The following LEMD3 variants were observed in gnomAD, a reference collection of about 807,000 sequenced individuals.
LEMD3 encodes the protein LEM domain containing 3, also known as inner nuclear membrane protein Man1.
A neutral mutation model predicts 95.2 loss-of-function variants in LEMD3; 33 were observed. The observed-to-expected ratio is 0.35, with a 90% CI of 0.26 to 0.46. The LOEUF is 0.46. Among genes scored for constraint, LEMD3 ranks in the 20% least tolerant of loss-of-function variants. The pLI, the probability that LEMD3 is intolerant of heterozygous loss-of-function variation, is 1.00. For missense variants in LEMD3, 1,210 were observed against 1,192.8 expected (o/e 1.01, Z -0.21); for synonymous variants, 525 against 474.6 (o/e 1.11, Z -1.38).
chr12:65,177,550 C>T lies in LEMD3; in HGVS notation c.1522+6432C>T, dbSNP rs148550234. On this transcript the variant is annotated intron_variant, in intron 1 of 12. Transcript: ENST00000308330. ...ATTTGAGTTGTTCAAGTGAAAAATT[C>T]TTGTAGGCTCTTGTAGATACAGAAT... is the stretch of plus-strand genomic sequence containing the variant. 1.1e-3 allele frequency among the ~76,000 whole-genome samples: 161 copies of T among 152,118 alleles called. 1 individual carries two copies. The highest frequency in any genetic ancestry group is 3.6e-3 in the African/African-American group (148 of 41,482).
At chr12:65,186,141 A>G (rs1254431886) in intron 1 of LEMD3, among the ~76,000 whole-genome samples, 2 of 152,118 alleles carry the variant, frequency 1.3e-5, no homozygotes, top group Non-Finnish European at 2.9e-5. Flanking sequence ...ATGAGGAACT[A>G]GAGTCCCACA....
Position 65,170,651 on chromosome 12 carries a change from G to T in LEMD3, c.1055G>T (p.Ser352Ile). The change falls in exon 1 of 13, where the codon AGC becomes ATC. Residue 352 changes from serine (S) to isoleucine (I), a missense_variant. Ser to Ile is a moderately radical substitution (Grantham distance 142, BLOSUM62 -2). Coordinates refer to ENST00000308330, the MANE Select transcript of LEMD3 (RefSeq NM_014319.5). ...QGGGCDQVDSSPVPRYRVNAK... is the reference protein window; with the variant it reads ...QGGGCDQVDSIPVPRYRVNAK... ...GGAGGGTGTGATCAAGTGGACTCCA[G>T]CCCCGTTCCTAGATACCGTGTTAAC... 6.2e-7 allele frequency: 1 copy of T among 1,614,206 alleles called. No individual in the cohort carries two copies. Among genetic ancestry groups the T allele is most frequent in the South Asian group, 1.1e-5 (1 of 91,082 alleles).
chr12:65,213,365 A>G (rs1045679530), intron 2 of LEMD3, among the ~76,000 whole-genome samples: 7 of 152,096 alleles, frequency 4.6e-5, no homozygotes, highest in African/African-American at 9.7e-5. Context: ...AGCTGGGACT[A>G]CAGGTGCATA....
intron 1 of LEMD3, among the ~76,000 whole-genome samples, chr12:65,175,949 C>G (rs911187191): frequency 1.3e-5 from 2 of 152,156 alleles, no homozygotes; most frequent in African/African-American, 4.8e-5. Flanking sequence ...TAGATTCTTT[C>G]CTTTCCCTCA....
chr12:65,170,501 C>T lies in LEMD3; in HGVS notation c.905C>T (p.Ala302Val), dbSNP rs1338653757. 1.9e-6 allele frequency: 3 copies of T among 1,614,106 alleles called. No homozygotes were observed. The highest frequency in any genetic ancestry group is 2.2e-5 in the East Asian group (1 of 44,856). ...CTCCCCCCGCTGACTGCTAAATCGG[C>T]CGGCGGCAGGCTGGAGACTTCAGTT... ...KPLPPLTAKS[A>V]GGRLETSVQG... is the part of the protein sequence containing the mutation. Residue 302 changes from alanine to valine, a missense_variant, in exon 1 of 13, where the codon GCC (alanine) becomes GTC (valine). By Grantham distance (64) the Ala-to-Val change is moderately conservative. Coordinates refer to ENST00000308330, the MANE Select transcript of LEMD3 (RefSeq NM_014319.5).
intron 1 of LEMD3, among the ~76,000 whole-genome samples, chr12:65,173,332 C>G (rs2136315018): frequency 6.6e-6 from 1 of 152,278 alleles, no homozygotes; most frequent in Non-Finnish European, 1.5e-5. Flanking sequence ...ACTAAAAGTT[C>G]AGGTAGAATA....
At position 65,169,976 on chromosome 12, in the gene LEMD3, C is replaced by T. The variant is rs886049775; in HGVS notation, c.380C>T (p.Ala127Val). The change falls in exon 1 of 13, where the codon GCC becomes GTC. Residue 127 changes from alanine to valine, a missense_variant. This residue lies in a region of LEMD3 where 749 missense variants were observed against 622.9 expected (regional missense o/e 1.20). Coordinates refer to ENST00000308330, the MANE Select transcript of LEMD3 (RefSeq NM_014319.5). ...SLLGGPGGASAAPAAGSKVLL... is the reference protein window; with the variant it reads ...SLLGGPGGASVAPAAGSKVLL... ...CTGGGAGGGCCCGGGGGCGCCTCCGCCGCCCCCGCGGCTGGCAGCAAAGTG... is the reference window on the plus strand; with the variant it reads ...CTGGGAGGGCCCGGGGGCGCCTCCGTCGCCCCCGCGGCTGGCAGCAAAGTG... The T allele has an allele frequency of 1.2e-5, 18 of 1,465,774 alleles. No individual in the cohort carries two copies. Among genetic ancestry groups the T allele is most frequent in the East Asian group, 2.6e-5 (1 of 37,978 alleles). 90.8% of individuals were successfully genotyped at this position (1,465,774 alleles called of 1,614,324 possible). A position where few individuals can be genotyped will look rare whatever the true frequency, so the allele number is the denominator to read the frequency against.
At chr12:65,186,631 C>CTT (rs36112519) in intron 1 of LEMD3, among the ~76,000 whole-genome samples, 18 of 80,180 alleles carry the variant, frequency 2.2e-4, no homozygotes, top group African/African-American at 7.2e-4. Context: ...GTTTAGATTG[C>CTT]TTTTTTTTTT....
At position 65,246,698 on chromosome 12, in the gene LEMD3, A is replaced by G. The variant is rs950948022; in HGVS notation, c.*373A>G. On this transcript the variant is annotated 3_prime_UTR_variant, in exon 13 of 13. Transcript: ENST00000308330. ...TAGTCCCATAATTTCTTGTGAACTA[A>G]TGTTGTGAATTTTTGTATACAGTCA... is the stretch of plus-strand genomic sequence containing the variant. 3.8e-5 allele frequency: 9 copies of G among 236,142 alleles called. No homozygotes were observed. The highest frequency in any genetic ancestry group is 2.1e-4 in the African/African-American group (9 of 43,234). The allele number at this position is 236,142 out of a possible 1,614,324, so 14.6% of individuals were successfully genotyped here.
intron 2 of LEMD3, among the ~76,000 whole-genome samples, chr12:65,214,134 C>T (rs534516141): frequency 6.6e-5 from 10 of 152,054 alleles, no homozygotes; most frequent in African/African-American, 9.6e-5. Flanking sequence ...GCATGACCTC[C>T]GCTCACTGCA....
At chr12:65,211,099 A>T in intron 2 of LEMD3, 136 bp downstream of exon 2, 1 of 683,824 alleles carries the variant, frequency 1.5e-6, no homozygotes, top group Non-Finnish European at 2.5e-6. Flanking sequence ...AACTTAAAAA[A>T]ATAGTAATTT....
intron 4 of LEMD3, among the ~76,000 whole-genome samples, chr12:65,230,863 C>T (rs1870604072): frequency 6.6e-6 from 1 of 152,172 alleles, no homozygotes; most frequent in Non-Finnish European, 1.5e-5. Context: ...AGCTTTTTCT[C>T]ATTCAGTATG....
At chr12:65,191,029 T>G (rs1869223756) in intron 1 of LEMD3, among the ~76,000 whole-genome samples, 1 of 152,026 alleles carries the variant, frequency 6.6e-6, no homozygotes, top group African/African-American at 2.4e-5. Flanking sequence ...AACCTATAAT[T>G]TTTCTTCATC....
In LEMD3 at chr12:65,170,816, C is replaced by G; in HGVS notation, c.1220C>G (p.Ser407Cys). Residue 407 changes from serine (S) to cysteine (C), a missense_variant, in exon 1 of 13, where the codon TCT becomes TGT. Physicochemically the swap from Ser to Cys is moderately radical, Grantham distance 112. This residue lies in a region of LEMD3 where 749 missense variants were observed against 622.9 expected (regional missense o/e 1.20). Coordinates refer to ENST00000308330, the MANE Select transcript of LEMD3 (RefSeq NM_014319.5). ...AGTGTGGACTCCCCCAGGATTTATTCTAACAGTCTCCCTCCCAGTGCGGCG... is the reference window on the plus strand; with the variant it reads ...AGTGTGGACTCCCCCAGGATTTATTGTAACAGTCTCCCTCCCAGTGCGGCG... ...AFSVDSPRIY[S>C]NSLPPSAAVA... 6.2e-7 allele frequency: 1 copy of G among 1,614,202 alleles called. No individual in the cohort carries two copies. Among genetic ancestry groups the G allele is most frequent in the Non-Finnish European group, 8.5e-7 (1 of 1,180,026 alleles).
At chr12:65,225,903 C>T (rs1870434799) in intron 4 of LEMD3, among the ~76,000 whole-genome samples, 2 of 152,082 alleles carry the variant, frequency 1.3e-5, no homozygotes, top group South Asian at 4.1e-4. Flanking sequence ...TTCTTAGTGG[C>T]CCCCAGGCAT....
At chr12:65,243,993 C>T (rs1871015718) in intron 10 of LEMD3, among the ~76,000 whole-genome samples, 1 of 151,842 alleles carries the variant, frequency 6.6e-6, no homozygotes. Flanking sequence ...CAGAGAATAG[C>T]ACAGTCAAAA....
At chr12:65,199,792 G>C (rs1051195556) in intron 1 of LEMD3, among the ~76,000 whole-genome samples, 1 of 152,022 alleles carries the variant, frequency 6.6e-6, no homozygotes, top group African/African-American at 2.4e-5. Context: ...ATACCAAAGA[G>C]CATGATTAAT....
At chr12:65,243,505 T>C (rs377072306) in intron 10 of LEMD3, 36 bp downstream of exon 10, 26 of 1,185,526 alleles carry the variant, frequency 2.2e-5, no homozygotes, top group Admixed American at 6.7e-5. Context: ...GTAACTCTTA[T>C]TCTGAATATT....
chr12:65,171,212 T>C, intron 1 of LEMD3, 94 bp downstream of exon 1: 6 of 1,579,280 alleles, frequency 3.8e-6, no homozygotes, highest in Non-Finnish European at 5.1e-6. Flanking sequence ...GTGACTTACC[T>C]GCAAGAATAT....
Sources: allele counts gnomAD v4.1 joint callset (sites outside exome capture counted in the v4.1 genomes callset), GRCh38; gene constraint gnomAD v4.1.1; regional missense constraint gnomAD v4.1.1; transcripts MANE v1.5; gene names NCBI Gene and HGNC (gene_info 2026-07-23, HGNC 2026-07-21).